Variants in WDR86 observed in about 807,000 individuals in gnomAD.
The protein encoded by WDR86 is WD repeat-containing protein 86.
WDR86 carries 30 observed loss-of-function variants against 36.5 expected under a neutral mutation model. That is an observed-to-expected ratio of 0.82 (90% confidence interval 0.61 to 1.11). The LOEUF is 1.11. Among genes scored for constraint, WDR86 ranks in the 50% most tolerant of loss-of-function variants. The pLI is 0.00. For missense variants in WDR86, 545 were observed against 561.2 expected (o/e 0.97, Z 0.29); for synonymous variants, 255 against 252.9 (o/e 1.01, Z -0.08).
At chr7:151,407,040 C>T (rs1311271431) in intron 1 of WDR86, among the ~76,000 whole-genome samples, 3 of 152,316 alleles carry the variant, frequency 2.0e-5, no homozygotes, top group Non-Finnish European at 2.9e-5. Flanking sequence ...GCAAGTTGAG[C>T]GTATCAGTAG....
At chr7:151,372,540 A>T (rs1220531320), downstream of WDR86, among the ~76,000 whole-genome samples, 1 of 152,312 alleles carries the variant, frequency 6.6e-6, no homozygotes, top group Admixed American at 6.5e-5. Flanking sequence ...GGGCCAGTAA[A>T]GGCATTTTAC....
At chr7:151,385,432 T>A in intron 3 of WDR86, 1 of 838,550 alleles carries the variant, frequency 1.2e-6, no homozygotes, top group Non-Finnish European at 1.8e-6. Flanking sequence ...CAGCCAGTGC[T>A]CCAACAGGGC....
intron 3 of WDR86, among the ~76,000 whole-genome samples, chr7:151,386,810 ATATC>A (rs1799020461): frequency 6.6e-6 from 1 of 152,038 alleles, no homozygotes; most frequent in Non-Finnish European, 1.5e-5. Flanking sequence ...CCCTGGCCCT[ATATC>A]CTGGTTTCCA....
downstream of WDR86, among the ~76,000 whole-genome samples, chr7:151,371,709 G>A (rs1031069931): frequency 5.3e-5 from 8 of 152,154 alleles, no homozygotes; most frequent in Non-Finnish European, 1.5e-5. Flanking sequence ...AACGTTCTAG[G>A]TATGAGCATC....
chr7:151,377,322 A>C, downstream of WDR86: 2 of 886,404 alleles, frequency 2.3e-6, no homozygotes, highest in Non-Finnish European at 1.7e-6. Flanking sequence ...TATCTGAATT[A>C]CAAGTCCTCT....
chr7:151,388,713 T>C lies in WDR86; in HGVS notation c.727-3490A>G, dbSNP rs1036579251. Among the ~76,000 whole-genome samples the C allele has an allele frequency of 4.6e-5, 7 of 152,156 alleles. No homozygotes were observed. The highest frequency in any genetic ancestry group is 1.0e-4 in the Non-Finnish European group (7 of 68,014). On this transcript the variant is annotated intron_variant, in intron 3 of 5. Coordinates refer to ENST00000334493, the MANE Select transcript of WDR86 (RefSeq NM_198285.3). This position sits in a 1 kb window ranked among gnomAD's most constrained non-coding sequence, Gnocchi z 4.2. ...GACCTCACCTCTGCTTTTGGCCAACTTGGAGCAGGCTGCAGGCTTCAGGGA... is the reference window on the plus strand; with the variant it reads ...GACCTCACCTCTGCTTTTGGCCAACCTGGAGCAGGCTGCAGGCTTCAGGGA...
chr7:151,400,036 C>T, intron 2 of WDR86, 64 bp downstream of exon 2: 1 of 1,431,798 alleles, frequency 7.0e-7, no homozygotes, highest in Non-Finnish European at 9.2e-7. Flanking sequence ...ATATCTCTGA[C>T]CCCTCAGCCC....
downstream of WDR86, among the ~76,000 whole-genome samples, chr7:151,375,311 G>C (rs1026125156): frequency 6.6e-6 from 1 of 152,140 alleles, no homozygotes; most frequent in Admixed American, 6.5e-5. Context: ...TATTCGAAGG[G>C]ACTGATGGGT....
chr7:151,369,479 G>T, the WDR86 span, among the ~76,000 whole-genome samples: 1 of 152,094 alleles, frequency 6.6e-6, no homozygotes, highest in Non-Finnish European at 1.5e-5. Flanking sequence ...TATTAAAGTT[G>T]GGGATTGCAT....
chr7:151,376,046 A>C (rs1798212976), exon 2 of WDR86: 1 of 770,038 alleles, frequency 1.3e-6, no homozygotes, highest in Non-Finnish European at 2.3e-6. Context: ...GTCCGTGCTG[A>C]AACCTTGGCT....
At chr7:151,395,724 G>C in intron 3 of WDR86, 52 bp downstream of exon 3, 1 of 1,502,034 alleles carries the variant, frequency 6.7e-7, no homozygotes, top group Non-Finnish European at 8.9e-7. Context: ...CGGCAGTGCA[G>C]GGGGTGACCT....
At chr7:151,385,701 G>A (rs549929696) in intron 3 of WDR86, among the ~76,000 whole-genome samples, 14 of 152,244 alleles carry the variant, frequency 9.2e-5, no homozygotes, top group Middle Eastern at 3.4e-3. Flanking sequence ...GCTGACAGCC[G>A]GGGACTGTCA....
In WDR86 at chr7:151,381,546, G is replaced by A. The variant is rs1798564388; in HGVS notation, c.*36C>T. The A allele has an allele frequency of 7.2e-7, 1 of 1,393,020 alleles. No individual in the cohort carries two copies. Among genetic ancestry groups the A allele is most frequent in the African/African-American group, 1.5e-5 (1 of 65,600 alleles). 86.3% of individuals were successfully genotyped at this position (1,393,020 alleles called of 1,614,324 possible). On this transcript the variant is annotated 3_prime_UTR_variant, in exon 6 of 6. Transcript: ENST00000334493. This position sits in a 1 kb window ranked among gnomAD's most constrained non-coding sequence, Gnocchi z 4.8. ...GGGCGGGGCGCTCTGGGAGCCGCTGGGTGTCTGGGCTGGCGTCTGCAGGGG... is the reference window on the plus strand; with the variant it reads ...GGGCGGGGCGCTCTGGGAGCCGCTGAGTGTCTGGGCTGGCGTCTGCAGGGG...
chr7:151,384,026 C>T lies in WDR86; in HGVS notation c.862+1062G>A, dbSNP rs182309239. Among the ~76,000 whole-genome samples, 7 of 152,342 alleles carry T rather than the reference C, an allele frequency of 4.6e-5. No homozygotes were observed. The East Asian group carries it at 7.7e-4, about 17-fold the overall frequency. On this transcript the variant is annotated intron_variant, in intron 4 of 5. Transcript: ENST00000334493. ...TTCCAGCCTTGGACACAGGAACAAACGAAAAATAATTTTTCTGTGTCAGAC... is the reference window on the plus strand; with the variant it reads ...TTCCAGCCTTGGACACAGGAACAAATGAAAAATAATTTTTCTGTGTCAGAC...
intron 4 of WDR86, among the ~76,000 whole-genome samples, chr7:151,383,837 G>A (rs1046353703): frequency 6.6e-6 from 1 of 152,218 alleles, no homozygotes; most frequent in Non-Finnish European, 1.5e-5. Context: ...ACCAAGAACC[G>A]AGCTGGGCAA....
intron 4 of WDR86, among the ~76,000 whole-genome samples, chr7:151,384,521 T>C (rs1798830512): frequency 6.6e-6 from 1 of 152,194 alleles, no homozygotes; most frequent in Non-Finnish European, 1.5e-5. Flanking sequence ...TCTTGAATCA[T>C]GAGGCTTCTT....
In WDR86 at chr7:151,406,958, G is replaced by A. The variant is rs151055779; in HGVS notation, c.163+2469C>T. Among the ~76,000 whole-genome samples, 1 of 152,088 alleles carries A rather than the reference G, an allele frequency of 6.6e-6. No individual in the cohort carries two copies. The highest frequency in any genetic ancestry group is 1.5e-5 in the Non-Finnish European group (1 of 68,014). Reference sequence around the variant, plus strand: ...GAAAAAAAAAATCCTGCAGGAGAAAGGAACTGGCAACACCTTGCTTTCTTT... The same window carrying A: ...GAAAAAAAAAATCCTGCAGGAGAAAAGAACTGGCAACACCTTGCTTTCTTT... On this transcript the variant is annotated intron_variant, in intron 1 of 5. Coordinates refer to ENST00000334493, the MANE Select transcript of WDR86 (RefSeq NM_198285.3). The surrounding 1 kb of genome is among the most constrained non-coding windows in gnomAD (Gnocchi z 4.4).
intron 3 of WDR86, among the ~76,000 whole-genome samples, chr7:151,391,969 A>T (rs1239911556): frequency 6.6e-6 from 1 of 152,118 alleles, no homozygotes; most frequent in Non-Finnish European, 1.5e-5. Context: ...TAGTTACCTT[A>T]GTGACTACCT....
downstream of WDR86, chr7:151,374,099 A>T (rs762016820): frequency 6.4e-7 from 1 of 1,556,442 alleles, no homozygotes; most frequent in Non-Finnish European, 8.7e-7. Flanking sequence ...TCCTAAAGGA[A>T]CTGGCCCAAA....
Sources: allele counts gnomAD v4.1 joint callset (sites outside exome capture counted in the v4.1 genomes callset), GRCh38; gene constraint gnomAD v4.1.1; non-coding constraint Gnocchi (gnomAD v3.1); transcripts MANE v1.5; gene names NCBI Gene and HGNC (gene_info 2026-07-23, HGNC 2026-07-21).